BTBD9: variants seen among roughly 807,000 people sequenced by gnomAD.
The protein encoded by BTBD9 is BTB domain containing 9, also known as BTB/POZ domain-containing protein 9.
In BTBD9, 49 loss-of-function variants were observed where a neutral mutation model predicts 64.3. The ratio of observed to expected loss-of-function variants is 0.76; its 90% CI spans 0.61 to 0.97. BTBD9 has a LOEUF of 0.97. Among genes scored for constraint, BTBD9 ranks in the 50% least tolerant of loss-of-function variants. The probability of loss-of-function intolerance (pLI) is 0.00; values close to 1 mark genes in which losing one functional copy is unlikely to be tolerated. For missense variants in BTBD9, 598 were observed against 762.1 expected (o/e 0.78, Z 2.53); for synonymous variants, 260 against 274.7 (o/e 0.95, Z 0.53).
intron 9 of BTBD9, among the ~76,000 whole-genome samples, chr6:38,224,383 T>C (rs1428435193): frequency 2.6e-5 from 4 of 152,222 alleles, no homozygotes; most frequent in African/African-American, 9.6e-5. Context: ...GATATGGCCA[T>C]GAGCGTATTT....
At chr6:38,364,443 T>C (rs1338098423) in intron 6 of BTBD9, among the ~76,000 whole-genome samples, 1 of 152,232 alleles carries the variant, frequency 6.6e-6, no homozygotes, top group Non-Finnish European at 1.5e-5. Context: ...TAAAGTGATA[T>C]GTAATTTTCT....
chr6:38,208,919 G>A (rs1347246940), intron 9 of BTBD9, among the ~76,000 whole-genome samples: 5 of 152,198 alleles, frequency 3.3e-5, no homozygotes, highest in African/African-American at 1.2e-4. Flanking sequence ...ATGGGAATTA[G>A]TGATTGTTTT....
rs765375990 is a variant in BTBD9, at chr6:38,313,747, CT to C, written c.1265-25287del. On this transcript the variant is annotated intron_variant, in intron 7 of 10. Transcript: ENST00000481247. ...ATTCCACTTGGTCATGATGAATTAT[CT>C]TTTTTTTTTTTTTTTTTTTGAGATG... Among the ~76,000 whole-genome samples the C allele has an allele frequency of 5.2e-3, 672 of 128,896 alleles. 2 individuals carry two copies. The highest frequency in any genetic ancestry group is 0.019 in the Middle Eastern group (5 of 260). The allele number at this position is 128,896 out of a possible 152,430, so 84.6% of individuals were successfully genotyped here. A position where few individuals can be genotyped will look rare whatever the true frequency, so the allele number is the denominator to read the frequency against.
chr6:38,459,929 TACA>T (rs1403505594), intron 6 of BTBD9, among the ~76,000 whole-genome samples: 1 of 152,250 alleles, frequency 6.6e-6, no homozygotes, highest in Admixed American at 6.5e-5. Flanking sequence ...ACCGTGGTTT[TACA>T]ACATTACGAG....
intron 7 of BTBD9, among the ~76,000 whole-genome samples, chr6:38,323,122 G>A (rs1192331269): frequency 1.3e-5 from 2 of 152,102 alleles, no homozygotes; most frequent in Non-Finnish European, 2.9e-5. Flanking sequence ...GGTGTGCACT[G>A]CCCAAGTTCT....
At chr6:38,476,843 T>A (rs1770906624) in intron 6 of BTBD9, among the ~76,000 whole-genome samples, 1 of 152,246 alleles carries the variant, frequency 6.6e-6, no homozygotes, top group African/African-American at 2.4e-5. Flanking sequence ...TCTAACAGAT[T>A]TCTCTGCCTC....
rs1766800472 is a variant in BTBD9 at position 38,171,880 on chromosome 6, A to AAAAAT, written c.*3104_*3105insATTTT. On this transcript the variant is annotated 3_prime_UTR_variant, in exon 11 of 11. Coordinates refer to ENST00000481247, the MANE Select transcript of BTBD9 (RefSeq NM_001099272.2). ...AAAAAAAAAAAAAAAAAAAAAAAAA[A>AAAAAT]AATAATAATAATAATAATAATAATA... The AAAAAT allele has an allele frequency of 3.3e-5, 3 of 89,556 alleles. No homozygotes were observed. Among genetic ancestry groups the AAAAAT allele is most frequent in the African/African-American group, 1.5e-4 (3 of 19,676 alleles). The allele number at this position is 89,556 out of a possible 1,614,324, so 5.5% of individuals were successfully genotyped here.
At chr6:38,412,302 G>A (rs1405734033) in intron 6 of BTBD9, among the ~76,000 whole-genome samples, 1 of 152,088 alleles carries the variant, frequency 6.6e-6, no homozygotes, top group African/African-American at 2.4e-5. Context: ...GAACCAAGCG[G>A]AGTTCACAGA....
At chr6:38,253,078 C>T (rs1764454418) in intron 9 of BTBD9, among the ~76,000 whole-genome samples, 2 of 152,178 alleles carry the variant, frequency 1.3e-5, no homozygotes, top group African/African-American at 2.4e-5. Flanking sequence ...CATGCCACTG[C>T]ACTCCAGCCT....
intron 6 of BTBD9, among the ~76,000 whole-genome samples, chr6:38,515,985 G>A (rs1264803749): frequency 1.3e-5 from 2 of 152,210 alleles, no homozygotes; most frequent in East Asian, 3.8e-4. Flanking sequence ...TGATCTTCAG[G>A]ATGTGTAAAT....
Position 38,278,541 on chromosome 6 carries a change from C to A in BTBD9, c.1454+9731G>T, listed in dbSNP as rs189166278. Among the ~76,000 whole-genome samples the A allele has an allele frequency of 2.0e-4, 31 of 152,268 alleles. No homozygotes were observed. In the East Asian group the frequency reaches 5.0e-3, roughly 25 times the overall value. ...GGCTATAGGAGGTTCTGCAGGATCA[C>A]GAAACAAATTAGAATCTTTGGAGCT... On this transcript the variant is annotated intron_variant, in intron 8 of 10. Transcript: ENST00000481247.
intron 6 of BTBD9, among the ~76,000 whole-genome samples, chr6:38,486,068 A>G (rs1771392043): frequency 6.6e-6 from 1 of 152,048 alleles, no homozygotes. Flanking sequence ...TTATGAATCA[A>G]CCTCTGCTAG....
rs1018264889 is a variant in BTBD9 at position 38,545,075 on chromosome 6, T to C, written c.1154+32525A>G. 5.9e-5 allele frequency among the ~76,000 whole-genome samples: 9 copies of C among 152,012 alleles called. No homozygotes were observed. In the East Asian group the frequency reaches 1.8e-3, roughly 30 times the overall value. On this transcript the variant is annotated intron_variant, in intron 6 of 10. Transcript: ENST00000481247. ...TTGACTTTTACCCTGAGATGAGGAA[T>C]GACTGGACAGTTTTTGTTTGTTTGT...
At chr6:38,610,918 G>T (rs796899331) in intron 1 of BTBD9, among the ~76,000 whole-genome samples, 1 of 149,330 alleles carries the variant, frequency 6.7e-6, no homozygotes, top group African/African-American at 2.5e-5. Context: ...AAACCGGGGT[G>T]GGGGGGGGAC....
intron 6 of BTBD9, among the ~76,000 whole-genome samples, chr6:38,417,802 A>AGAGAGAGAGAGAGAGAGAG (rs55963730): frequency 2.0e-5 from 2 of 102,426 alleles, no homozygotes; most frequent in African/African-American, 9.1e-5. Context: ...GAGAGAGAGA[A>AGAGAGAGAGAGAGAGAGAG]AAAAAATATT....
intron 6 of BTBD9, among the ~76,000 whole-genome samples, chr6:38,426,028 T>C (rs1467786094): frequency 4.0e-5 from 6 of 151,626 alleles, no homozygotes; most frequent in Admixed American, 1.3e-4. Context: ...TCATAATTCT[T>C]GATGTCTTTA....
intron 7 of BTBD9, among the ~76,000 whole-genome samples, chr6:38,299,003 C>T (rs1373831826): frequency 5.9e-5 from 9 of 152,130 alleles, no homozygotes; most frequent in Admixed American, 5.9e-4. Context: ...CTATCCCTCT[C>T]CCCATCCCCC....
At chr6:38,590,338 C>T (rs1018308052) in intron 4 of BTBD9, among the ~76,000 whole-genome samples, 4 of 152,084 alleles carry the variant, frequency 2.6e-5, no homozygotes, top group African/African-American at 7.2e-5. Context: ...AGTCTCATAA[C>T]AATGCTAGGA....
In BTBD9 at chr6:38,594,259, G is replaced by C; in HGVS notation, c.254C>G (p.Ala85Gly). Residue 85 changes from alanine to glycine, a missense_variant, in exon 3 of 11, where the codon GCA becomes GGA. Ala to Gly is a moderately conservative substitution (Grantham distance 60). Transcript: ENST00000481247. ...EAEIPLQDTT[A>G]EAFTMLLKYI... is the part of the protein sequence containing the mutation. ...TTTGAGTAGCATTGTGAATGCTTCT[G>C]CAGTGGTGTCTTGGAGAGGAATTTC... The C allele has an allele frequency of 6.2e-7, 1 of 1,614,172 alleles. No individual in the cohort carries two copies. Among genetic ancestry groups the C allele is most frequent in the Non-Finnish European group, 8.5e-7 (1 of 1,180,018 alleles).
Sources: gnomAD v4.1 joint callset for allele counts (sites outside exome capture counted in the v4.1 genomes callset) on GRCh38, gnomAD v4.1.1 for gene constraint, MANE v1.5 for transcripts, NCBI Gene and HGNC (gene_info 2026-07-23, HGNC 2026-07-21) for gene names.